Variants in TMTC2 observed in about 807,000 individuals in gnomAD.
TMTC2 encodes the protein protein O-mannosyl-transferase TMTC2.
TMTC2 carries 43 observed loss-of-function variants against 82.4 expected under a neutral mutation model. The observed-to-expected ratio is 0.52, with a 90% confidence interval of 0.41 to 0.67. TMTC2 has a LOEUF of 0.67. Among genes scored for constraint, TMTC2 ranks in the 30% least tolerant of loss-of-function variants. The pLI, the probability that TMTC2 is intolerant of heterozygous loss-of-function variation, is 0.00. For synonymous variants in TMTC2, 408 were observed against 381.9 expected (o/e 1.07, Z -0.80); for missense variants, 919 against 1,012.4 (o/e 0.91, Z 1.25).
chr12:82,986,674 G>A (rs1454366596), intron 8 of TMTC2: 1 of 152,544 alleles, frequency 6.6e-6, no homozygotes, highest in Non-Finnish European at 1.5e-5. Flanking sequence ...TAAGAGAAGG[G>A]AGGCTATCTG....
intron 1 of TMTC2, among the ~76,000 whole-genome samples, chr12:82,797,128 C>T (rs1417196341): frequency 6.6e-6 from 1 of 152,056 alleles, no homozygotes; most frequent in Non-Finnish European, 1.5e-5. Context: ...CATTATCTTC[C>T]CTGCCTTGCT....
At chr12:82,967,885 G>A (rs1878287590) in intron 7 of TMTC2, among the ~76,000 whole-genome samples, 1 of 151,862 alleles carries the variant, frequency 6.6e-6, no homozygotes. Flanking sequence ...AATGAGATTA[G>A]ACTATATAAT....
chr12:82,933,338 A>G (rs769644700), intron 4 of TMTC2, among the ~76,000 whole-genome samples: 17 of 152,160 alleles, frequency 1.1e-4, no homozygotes, highest in Non-Finnish European at 2.5e-4. Flanking sequence ...TATTATAAAT[A>G]TGTTTGGTAT....
At chr12:82,834,475 A>G (rs1002549939) in intron 1 of TMTC2, among the ~76,000 whole-genome samples, 6 of 152,180 alleles carry the variant, frequency 3.9e-5, no homozygotes, top group African/African-American at 1.4e-4. Context: ...AGTTCCTTCA[A>G]CATCTAGCTT....
chr12:82,883,261 A>T (rs1027848124), intron 2 of TMTC2, among the ~76,000 whole-genome samples: 1 of 152,158 alleles, frequency 6.6e-6, no homozygotes, highest in African/African-American at 2.4e-5. Context: ...TTTACTATTT[A>T]AATTCTGTAG....
chr12:83,034,517 C>A (rs1881585314), intron 9 of TMTC2, among the ~76,000 whole-genome samples: 1 of 151,988 alleles, frequency 6.6e-6, no homozygotes, highest in South Asian at 2.1e-4. Flanking sequence ...CGGAAGGGAC[C>A]ATGTGGAGAA....
At chr12:82,828,940 T>A (rs1369401092) in intron 1 of TMTC2, among the ~76,000 whole-genome samples, 1 of 152,130 alleles carries the variant, frequency 6.6e-6, no homozygotes, top group African/African-American at 2.4e-5. Flanking sequence ...GTGCTCTTAG[T>A]ACCCTTAAAA....
intron 1 of TMTC2, among the ~76,000 whole-genome samples, chr12:82,810,679 A>G (rs968311917): frequency 6.6e-6 from 1 of 152,044 alleles, no homozygotes; most frequent in South Asian, 2.1e-4. Flanking sequence ...TCTCATCTCG[A>G]ATTGTAATCC....
chr12:83,085,032 G>A (rs1365143998), intron 11 of TMTC2, among the ~76,000 whole-genome samples: 1 of 152,196 alleles, frequency 6.6e-6, no homozygotes, highest in Non-Finnish European at 1.5e-5. Flanking sequence ...GGTCCAGAGT[G>A]TTGACTGCAC....
chr12:82,979,062 T>A (rs1400164505), intron 7 of TMTC2, among the ~76,000 whole-genome samples: 5 of 151,812 alleles, frequency 3.3e-5, no homozygotes, highest in African/African-American at 1.2e-4. Flanking sequence ...TTATTTTCAG[T>A]CTATGTGTGT....
intron 4 of TMTC2, among the ~76,000 whole-genome samples, chr12:82,951,774 C>T (rs1038129348): frequency 1.3e-5 from 2 of 152,184 alleles, no homozygotes; most frequent in South Asian, 4.1e-4. Flanking sequence ...TCTAATAACT[C>T]GAAAGTACGT....
chr12:82,748,335 A>C (rs1430735937), intron 1 of TMTC2, among the ~76,000 whole-genome samples: 1 of 152,108 alleles, frequency 6.6e-6, no homozygotes, highest in Non-Finnish European at 1.5e-5. Context: ...TTTAGAAGTC[A>C]TTTTGGAGCA....
chr12:82,744,386 G>A (rs1158744889), intron 1 of TMTC2, among the ~76,000 whole-genome samples: 1 of 152,148 alleles, frequency 6.6e-6, no homozygotes, highest in African/African-American at 2.4e-5. Context: ...TTGTGCCACT[G>A]CACTTCAGCC....
At chr12:82,841,366 ATCTC>A (rs1240286248) in intron 1 of TMTC2, among the ~76,000 whole-genome samples, 2 of 152,194 alleles carry the variant, frequency 1.3e-5, no homozygotes, top group Admixed American at 1.3e-4. Flanking sequence ...TAGAGTTAAT[ATCTC>A]TCTTTCTCCC....
At chr12:82,982,439 C>CT (rs11389314) in intron 7 of TMTC2, among the ~76,000 whole-genome samples, 96,652 of 144,046 alleles carry the variant, frequency 0.67, 33,777 homozygotes, top group South Asian at 0.84. Context: ...TATCCATAAT[C>CT]TTTTTTTTTT....
intron 3 of TMTC2, among the ~76,000 whole-genome samples, chr12:82,910,163 T>C (rs1160543443): frequency 6.6e-6 from 1 of 152,162 alleles, no homozygotes; most frequent in Non-Finnish European, 1.5e-5. Context: ...TCTCAAGAAG[T>C]TATGGAAAAA....
At position 82,691,464 on chromosome 12, in the gene TMTC2, CAT is replaced by C. The variant is rs1197544428; in HGVS notation, c.83+3796_83+3797del. Among the ~76,000 whole-genome samples the C allele has an allele frequency of 2.8e-4, 43 of 152,168 alleles. 1 individual carries two copies. In the East Asian group the frequency reaches 7.1e-3, roughly 25 times the overall value. On this transcript the variant is annotated intron_variant, in intron 1 of 11. Transcript: ENST00000321196. The stretch of plus-strand genomic sequence containing the variant: ...ATGGAAATCTCAGTTTTTATAAACA[CAT>C]GAGTTAATTTTTTCTTTATAATGAT...
At chr12:82,943,967 A>C (rs1876857534) in intron 4 of TMTC2, among the ~76,000 whole-genome samples, 1 of 152,176 alleles carries the variant, frequency 6.6e-6, no homozygotes, top group Admixed American at 6.5e-5. Flanking sequence ...AAGAAATGTA[A>C]ATCAGCCTGA....
At chr12:82,916,195 A>G (rs1008535432) in intron 3 of TMTC2, among the ~76,000 whole-genome samples, 1 of 152,202 alleles carries the variant, frequency 6.6e-6, no homozygotes, top group Non-Finnish European at 1.5e-5. Flanking sequence ...TCTAGTATAT[A>G]TATTCCCCAA....
Sources: allele counts gnomAD v4.1 joint callset (sites outside exome capture counted in the v4.1 genomes callset), GRCh38; gene constraint gnomAD v4.1.1; transcripts MANE v1.5; gene names NCBI Gene and HGNC (gene_info 2026-07-23, HGNC 2026-07-21).